Variants in ELMO1 observed in about 807,000 individuals in gnomAD.
ELMO1 encodes engulfment and cell motility protein 1.
ELMO1 carries 26 observed loss-of-function variants against 98.9 expected under a neutral mutation model. That is an observed-to-expected ratio of 0.26 (90% CI 0.19 to 0.36). ELMO1 has a LOEUF of 0.36. Among genes scored for constraint, ELMO1 ranks in the 10% least tolerant of loss-of-function variants. The pLI is 1.00. For missense variants in ELMO1, 627 were observed against 935.2 expected (o/e 0.67, Z 4.30); for synonymous variants, 346 against 346.0 (o/e 1.00, Z 0.00).
At chr7:36,871,734 G>A (rs749897630) in intron 19 of ELMO1, among the ~76,000 whole-genome samples, 7 of 152,110 alleles carry the variant, frequency 4.6e-5, no homozygotes, top group Admixed American at 1.3e-4. Context: ...CAATAGACAG[G>A]AAGGCCTCAA....
intron 2 of ELMO1, among the ~76,000 whole-genome samples, chr7:37,321,734 A>AAAAAAAAAAAC (rs1323727577): frequency 6.7e-6 from 1 of 148,568 alleles, no homozygotes; most frequent in Non-Finnish European, 1.5e-5. Flanking sequence ...AAAAAAAAAA[A>AAAAAAAAAAAC]AAAACACAGA....
At chr7:37,028,525 TCA>T (rs1357563224) in intron 15 of ELMO1, among the ~76,000 whole-genome samples, 3 of 152,162 alleles carry the variant, frequency 2.0e-5, no homozygotes, top group Non-Finnish European at 2.9e-5. Context: ...AGTAGACAAT[TCA>T]CAGACTTTTC....
At chr7:37,328,838 GA>G (rs1799956111) in intron 2 of ELMO1, among the ~76,000 whole-genome samples, 1 of 152,108 alleles carries the variant, frequency 6.6e-6, no homozygotes, top group South Asian at 2.1e-4. Flanking sequence ...ATTTCAACCT[GA>G]ATGCATATCC....
intron 13 of ELMO1, among the ~76,000 whole-genome samples, chr7:37,193,472 C>A (rs1268643259): frequency 6.6e-6 from 1 of 152,136 alleles, no homozygotes; most frequent in Non-Finnish European, 1.5e-5. Flanking sequence ...GAGCGGTCAC[C>A]CCTCGGGTTA....
chr7:37,058,898 T>C (rs34745518), intron 15 of ELMO1, among the ~76,000 whole-genome samples: 18,948 of 152,204 alleles, frequency 0.12, 1,573 homozygotes, highest in African/African-American at 0.24. Flanking sequence ...TGGAACCCAT[T>C]GTGGGTTTCT....
intron 13 of ELMO1, among the ~76,000 whole-genome samples, chr7:37,190,949 G>A (rs1791528144): frequency 1.3e-5 from 2 of 152,104 alleles, no homozygotes; most frequent in Non-Finnish European, 2.9e-5. Flanking sequence ...AGCACTTTGG[G>A]AGGCAGAGGC....
chr7:37,193,697 C>T (rs547549021), intron 13 of ELMO1, among the ~76,000 whole-genome samples: 20 of 152,286 alleles, frequency 1.3e-4, no homozygotes, highest in Admixed American at 3.9e-4. Flanking sequence ...TGGCCTGCTA[C>T]GGGAAGAGTA....
intron 14 of ELMO1, among the ~76,000 whole-genome samples, chr7:37,115,267 C>T (rs1188144961): frequency 6.6e-6 from 1 of 152,012 alleles, no homozygotes; most frequent in Non-Finnish European, 1.5e-5. Context: ...CAGTATTACC[C>T]TAATACCAAA....
intron 16 of ELMO1, among the ~76,000 whole-genome samples, chr7:36,918,928 T>G (rs1784918509): frequency 6.6e-6 from 1 of 152,194 alleles, no homozygotes; most frequent in South Asian, 2.1e-4. Context: ...TCTTTTGGTT[T>G]ACCCATAGCA....
At chr7:37,022,511 C>A (rs1362118868) in intron 15 of ELMO1, among the ~76,000 whole-genome samples, 1 of 152,114 alleles carries the variant, frequency 6.6e-6, no homozygotes, top group African/African-American at 2.4e-5. Flanking sequence ...AAAAAATATG[C>A]AGCTTTAAAC....
At chr7:37,115,505 G>T (rs1253094204) in intron 14 of ELMO1, among the ~76,000 whole-genome samples, 1 of 151,966 alleles carries the variant, frequency 6.6e-6, no homozygotes, top group Non-Finnish European at 1.5e-5. Flanking sequence ...TTGTATAATG[G>T]TATCAATAGA....
At chr7:37,312,847 G>A (rs1798957715) in intron 4 of ELMO1, among the ~76,000 whole-genome samples, 1 of 152,192 alleles carries the variant, frequency 6.6e-6, no homozygotes, top group Non-Finnish European at 1.5e-5. Flanking sequence ...TATTATACAT[G>A]TGGGTAGGTG....
At chr7:37,440,451 AAAAAG>A (rs1445165984) in intron 1 of ELMO1, among the ~76,000 whole-genome samples, 14 of 151,388 alleles carry the variant, frequency 9.2e-5, no homozygotes, top group African/African-American at 3.4e-4. Flanking sequence ...CAAAAAAAAA[AAAAAG>A]AAAAGAAAAG....
At chr7:36,968,663 C>G (rs893573283) in intron 16 of ELMO1, among the ~76,000 whole-genome samples, 1 of 152,080 alleles carries the variant, frequency 6.6e-6, no homozygotes, top group African/African-American at 2.4e-5. Context: ...TTGTCAATGT[C>G]AATTGTCAAT....
intron 1 of ELMO1, among the ~76,000 whole-genome samples, chr7:37,354,007 G>T (rs1360321950): frequency 1.3e-5 from 2 of 152,168 alleles, no homozygotes; most frequent in Non-Finnish European, 2.9e-5. Flanking sequence ...CCAATCTCAT[G>T]CACCAGTTTC....
intron 14 of ELMO1, among the ~76,000 whole-genome samples, chr7:37,112,695 T>C (rs998919373): frequency 6.6e-6 from 1 of 152,208 alleles, no homozygotes; most frequent in African/African-American, 2.4e-5. Flanking sequence ...ATATTGTCTA[T>C]TATTTATGAT....
At chr7:36,889,084 T>A (rs1013820786) in intron 17 of ELMO1, among the ~76,000 whole-genome samples, 12 of 152,184 alleles carry the variant, frequency 7.9e-5, no homozygotes, top group African/African-American at 2.9e-4. Context: ...ACTGCTTTGA[T>A]TTACTCATGA....
At chr7:37,439,672 A>C (rs1421983404) in intron 1 of ELMO1, among the ~76,000 whole-genome samples, 1 of 152,254 alleles carries the variant, frequency 6.6e-6, no homozygotes, top group Non-Finnish European at 1.5e-5. Flanking sequence ...TTTTTAAAAT[A>C]TACTACAATT....
chr7:37,386,728 A>T (rs776845720), intron 1 of ELMO1, among the ~76,000 whole-genome samples: 1 of 152,050 alleles, frequency 6.6e-6, no homozygotes, highest in Non-Finnish European at 1.5e-5. Context: ...GTCCAAACTC[A>T]TGTCAGTCAG....
Sources: allele counts gnomAD v4.1 joint callset (sites outside exome capture counted in the v4.1 genomes callset), GRCh38; gene constraint gnomAD v4.1.1; transcripts MANE v1.5; gene names NCBI Gene and HGNC (gene_info 2026-07-23, HGNC 2026-07-21).